Variants in EXOC4 observed in about 807,000 individuals in gnomAD.
The protein encoded by EXOC4 is SEC8-like 1.
A neutral mutation model predicts 107.2 loss-of-function variants in EXOC4; 71 were observed. The ratio of observed to expected loss-of-function variants is 0.66; its 90% confidence interval spans 0.55 to 0.81. EXOC4 has a LOEUF of 0.81. Among genes scored for constraint, EXOC4 ranks in the 30% least tolerant of loss-of-function variants. The pLI, the probability that EXOC4 is intolerant of heterozygous loss-of-function variation, is 0.00. For synonymous variants in EXOC4, 456 were observed against 441.2 expected (o/e 1.03, Z -0.42); for missense variants, 1,108 against 1,189.6 (o/e 0.93, Z 1.01).
intron 13 of EXOC4, among the ~76,000 whole-genome samples, chr7:133,919,110 C>T (rs1056282539): frequency 2.6e-5 from 4 of 152,068 alleles, no homozygotes; most frequent in African/African-American, 9.7e-5. Flanking sequence ...GTAATTTAAC[C>T]TAAATTCTTC....
At chr7:133,544,786 A>AT (rs1321085333) in intron 9 of EXOC4, among the ~76,000 whole-genome samples, 1 of 149,524 alleles carries the variant, frequency 6.7e-6, no homozygotes, top group Non-Finnish European at 1.5e-5. Context: ...TGCAGGGTTG[A>AT]TTTTTTGAAA....
At chr7:133,760,129 A>G (rs1334064530) in intron 10 of EXOC4, among the ~76,000 whole-genome samples, 1 of 152,194 alleles carries the variant, frequency 6.6e-6, no homozygotes, top group Non-Finnish European at 1.5e-5. Context: ...CTCTCTTGGG[A>G]CAGCCATTGT....
At chr7:133,558,683 G>A (rs1800750497) in intron 9 of EXOC4, among the ~76,000 whole-genome samples, 1 of 152,010 alleles carries the variant, frequency 6.6e-6, no homozygotes, top group African/African-American at 2.4e-5. Context: ...TCCGTAGGCT[G>A]TGACTATGCT....
chr7:134,090,652 A>G, the EXOC4 span, among the ~76,000 whole-genome samples: 1 of 152,254 alleles, frequency 6.6e-6, no homozygotes, highest in Non-Finnish European at 1.5e-5. Flanking sequence ...CTGTTGCTCT[A>G]ACATTCAGGC....
intron 17 of EXOC4, among the ~76,000 whole-genome samples, chr7:134,017,519 T>C (rs921675051): frequency 6.6e-6 from 1 of 152,184 alleles, no homozygotes; most frequent in Non-Finnish European, 1.5e-5. Flanking sequence ...TTAAATAATA[T>C]TACATCTCTC....
At chr7:133,734,117 A>G (rs1222224288) in intron 10 of EXOC4, among the ~76,000 whole-genome samples, 4 of 152,206 alleles carry the variant, frequency 2.6e-5, no homozygotes, top group African/African-American at 7.2e-5. Flanking sequence ...CCACTAGACA[A>G]TAGCGCCTCT....
intron 10 of EXOC4, among the ~76,000 whole-genome samples, chr7:133,692,714 CA>C (rs1333219418): frequency 6.6e-6 from 1 of 152,118 alleles, no homozygotes; most frequent in Non-Finnish European, 1.5e-5. Flanking sequence ...AGTCTGTGTC[CA>C]GTAGCAATAC....
chr7:133,342,738 T>C (rs1379339887), intron 5 of EXOC4, among the ~76,000 whole-genome samples: 1 of 152,042 alleles, frequency 6.6e-6, no homozygotes, highest in Admixed American at 6.5e-5. Flanking sequence ...TCTTTGTCTT[T>C]GTCAGATTGG....
intron 10 of EXOC4, among the ~76,000 whole-genome samples, chr7:133,764,980 C>T (rs1413939273): frequency 6.6e-6 from 1 of 152,008 alleles, no homozygotes; most frequent in Non-Finnish European, 1.5e-5. Context: ...TCATTAAATA[C>T]AGATATGAAT....
At chr7:134,083,280 C>T in the EXOC4 span, among the ~76,000 whole-genome samples, 4 of 152,036 alleles carry the variant, frequency 2.6e-5, no homozygotes, top group African/African-American at 7.2e-5. Context: ...TTATATGGGC[C>T]CCATCTAGAT....
chr7:134,024,247 G>A (rs575070924), intron 17 of EXOC4, among the ~76,000 whole-genome samples: 1 of 152,222 alleles, frequency 6.6e-6, no homozygotes, highest in South Asian at 2.1e-4. Context: ...TCAGGAGATC[G>A]AGACCATCCT....
intron 9 of EXOC4, among the ~76,000 whole-genome samples, chr7:133,582,097 A>G (rs1437126037): frequency 1.3e-5 from 2 of 152,046 alleles, no homozygotes; most frequent in African/African-American, 2.4e-5. Context: ...ATGTGTGGGG[A>G]CACAGAGTCA....
At chr7:133,496,407 T>C (rs920168474) in intron 9 of EXOC4, among the ~76,000 whole-genome samples, 2 of 152,146 alleles carry the variant, frequency 1.3e-5, no homozygotes, top group Admixed American at 1.3e-4. Flanking sequence ...CCTCAAACAG[T>C]CCTCCTGCCT....
At chr7:133,877,494 CT>C (rs1160525668) in intron 11 of EXOC4, among the ~76,000 whole-genome samples, 1 of 152,096 alleles carries the variant, frequency 6.6e-6, no homozygotes, top group Non-Finnish European at 1.5e-5. Context: ...TCCAGAGTAG[CT>C]TTTACTCTAA....
At chr7:133,943,343 T>C (rs1800475124) in intron 14 of EXOC4, among the ~76,000 whole-genome samples, 1 of 152,204 alleles carries the variant, frequency 6.6e-6, no homozygotes, top group South Asian at 2.1e-4. Context: ...TGTTTTTGGC[T>C]CTGCATTATC....
chr7:133,670,866 A>G (rs1373885089), intron 10 of EXOC4, among the ~76,000 whole-genome samples: 1 of 152,192 alleles, frequency 6.6e-6, no homozygotes, highest in African/African-American at 2.4e-5. Flanking sequence ...GGACATTCTA[A>G]TGGGAGGGGC....
At chr7:133,727,531 T>C (rs1795239822) in intron 10 of EXOC4, 1 of 152,890 alleles carries the variant, frequency 6.5e-6, no homozygotes, top group Non-Finnish European at 1.5e-5. Context: ...GGCTCCTTCT[T>C]GGTTCCTGAG....
At chr7:133,848,531 T>C (rs1204883628) in intron 11 of EXOC4, among the ~76,000 whole-genome samples, 2 of 152,224 alleles carry the variant, frequency 1.3e-5, no homozygotes, top group African/African-American at 4.8e-5. Flanking sequence ...TTAGATAGAA[T>C]GGTATATTCT....
intron 10 of EXOC4, among the ~76,000 whole-genome samples, chr7:133,645,905 A>T (rs1802978444): frequency 6.6e-6 from 1 of 152,200 alleles, no homozygotes. Context: ...GCAGATAAAG[A>T]AGGTCTTTTG....
Sources: gnomAD v4.1 joint callset for allele counts (sites outside exome capture counted in the v4.1 genomes callset) on GRCh38, gnomAD v4.1.1 for gene constraint, MANE v1.5 for transcripts, NCBI Gene and HGNC (gene_info 2026-07-23, HGNC 2026-07-21) for gene names.